The following ANKFN1 variants were observed in gnomAD, a reference collection of about 807,000 sequenced individuals.
ANKFN1 encodes the protein ankyrin repeat and fibronectin type III domain containing 1.
In ANKFN1, 74 loss-of-function variants were observed where a neutral mutation model predicts 108.7. The observed-to-expected ratio is 0.68, with a 90% CI of 0.56 to 0.83. ANKFN1 has a LOEUF of 0.83. Ranked by LOEUF, ANKFN1 falls within the 40% of genes least tolerant of loss-of-function variation. ANKFN1 has a pLI of 0.00. For missense variants in ANKFN1, 1,505 were observed against 1,382.3 expected, an observed-to-expected ratio of 1.09 and a Z score of -1.41; for synonymous variants, 547 against 516.2, an observed-to-expected ratio of 1.06 and a Z score of -0.81.
intron 3 of ANKFN1, among the ~76,000 whole-genome samples, chr17:56,270,215 T>G (rs1394704103): frequency 1.3e-5 from 2 of 152,152 alleles, no homozygotes; most frequent in Admixed American, 6.5e-5. Flanking sequence ...ACATTTTTGG[T>G]TAGCAGAGTC....
chr17:56,325,690 C>T (rs760249468), intron 3 of ANKFN1, among the ~76,000 whole-genome samples: 23 of 152,264 alleles, frequency 1.5e-4, no homozygotes, highest in African/African-American at 7.2e-5. Flanking sequence ...TAAGGAATTG[C>T]GCAGGTGCCC....
chr17:56,062,526 C>CT (rs1466858148), intron 4 of ANKFN1, among the ~76,000 whole-genome samples: 1 of 145,170 alleles, frequency 6.9e-6, no homozygotes, highest in African/African-American at 2.6e-5. Context: ...GGTTCAAAGT[C>CT]TTTTTTGTCA....
chr17:56,307,927 A>G (rs1157523637), intron 3 of ANKFN1, among the ~76,000 whole-genome samples: 3 of 152,232 alleles, frequency 2.0e-5, no homozygotes, highest in Admixed American at 1.3e-4. Flanking sequence ...TGTCCTTTAT[A>G]GGGACATGGA....
intron 4 of ANKFN1, among the ~76,000 whole-genome samples, chr17:56,125,749 C>T (rs1906887433): frequency 6.6e-6 from 1 of 152,232 alleles, no homozygotes; most frequent in Non-Finnish European, 1.5e-5. Context: ...CCACAGCACA[C>T]ACTTTGAATA....
chr17:56,346,806 T>G (rs2046115845), intron 4 of ANKFN1, among the ~76,000 whole-genome samples: 1 of 151,924 alleles, frequency 6.6e-6, no homozygotes, highest in South Asian at 2.1e-4. Context: ...TTTTAGGAAT[T>G]CTGCTTGGAG....
chr17:56,209,576 CAG>C (rs1914811145), intron 1 of ANKFN1, among the ~76,000 whole-genome samples: 1 of 152,174 alleles, frequency 6.6e-6, no homozygotes, highest in Non-Finnish European at 1.5e-5. Context: ...TTATCTGAAA[CAG>C]AGTCTCCTAA....
intron 20 of ANKFN1, among the ~76,000 whole-genome samples, chr17:56,508,708 C>T: frequency 6.6e-6 from 1 of 152,174 alleles, no homozygotes; most frequent in East Asian, 1.9e-4. Context: ...AATATAATCC[C>T]TCTTTCCTAT....
intron 1 of ANKFN1, among the ~76,000 whole-genome samples, chr17:56,183,052 A>G (rs1911842236): frequency 6.6e-6 from 1 of 152,220 alleles, no homozygotes; most frequent in Non-Finnish European, 1.5e-5. Context: ...TTAAAATATT[A>G]CTGCTTATTG....
At chr17:56,388,541 A>C (rs1001347965) in intron 8 of ANKFN1, among the ~76,000 whole-genome samples, 3 of 152,192 alleles carry the variant, frequency 2.0e-5, no homozygotes, top group Admixed American at 6.5e-5. Context: ...CAACATAGCT[A>C]TATTTCTATT....
intron 4 of ANKFN1, among the ~76,000 whole-genome samples, chr17:56,130,160 T>G (rs1343389463): frequency 1.3e-5 from 2 of 152,240 alleles, no homozygotes; most frequent in Non-Finnish European, 2.9e-5. Context: ...TTGTTAAACC[T>G]CTCCCAGGCC....
intron 1 of ANKFN1, among the ~76,000 whole-genome samples, chr17:56,163,681 G>A (rs1909891166): frequency 1.3e-5 from 2 of 152,232 alleles, no homozygotes; most frequent in Non-Finnish European, 2.9e-5. Context: ...TTTGTAGGGG[G>A]AAGAGTAGCA....
chr17:56,512,953 C>A lies in ANKFN1; in HGVS notation c.*1684C>A, dbSNP rs2051817051. On this transcript the variant is annotated 3_prime_UTR_variant, in exon 21 of 21. Coordinates refer to ENST00000682825, the MANE Select transcript of ANKFN1 (RefSeq NM_001370326.1). The stretch of plus-strand genomic sequence containing the variant: ...AATCACTACAGCTCCTTTTTCATGA[C>A]TGGGAGGATTTTAAAATGCAATTTT... Among the ~76,000 whole-genome samples, 1 of 152,086 alleles carries A rather than the reference C, an allele frequency of 6.6e-6. No individual in the cohort carries two copies. The highest frequency in any genetic ancestry group is 2.4e-5 in the African/African-American group (1 of 41,416).
upstream of ANKFN1, among the ~76,000 whole-genome samples, chr17:56,152,303 T>TGTGTGTGTGTG (rs1908704082): frequency 4.0e-5 from 6 of 150,778 alleles, no homozygotes; most frequent in Admixed American, 6.6e-5. Flanking sequence ...TGTGTGTGTG[T>TGTGTGTGTGTG]TTAATTTTTC....
chr17:56,467,035 T>G (rs2050097483), intron 15 of ANKFN1, among the ~76,000 whole-genome samples: 2 of 152,068 alleles, frequency 1.3e-5, no homozygotes, highest in South Asian at 4.1e-4. Context: ...GGAGAATCGC[T>G]GGAACCTGGG....
intron 8 of ANKFN1, among the ~76,000 whole-genome samples, chr17:56,402,106 T>C (rs1235809264): frequency 1.3e-5 from 2 of 152,176 alleles, no homozygotes; most frequent in Non-Finnish European, 2.9e-5. Flanking sequence ...AGTATTTTGT[T>C]AAGGATTTTA....
rs867845478 is a variant in ANKFN1, at chr17:56,424,728, T to G, written c.911-15599T>G. On this transcript the variant is annotated intron_variant, in intron 8 of 20. Coordinates refer to ENST00000682825, the MANE Select transcript of ANKFN1 (RefSeq NM_001370326.1). ...TCCCTAATAAGGCTGATCTACTTTA[T>G]TCTCTGCAAAGGGGAAACTTTTCTT... 3.3e-5 allele frequency among the ~76,000 whole-genome samples: 5 copies of G among 152,324 alleles called. 1 individual carries two copies. In the South Asian group the frequency reaches 6.2e-4, roughly 19 times the overall value.
At chr17:56,313,579 G>T (rs929747071) in intron 3 of ANKFN1, among the ~76,000 whole-genome samples, 1 of 152,154 alleles carries the variant, frequency 6.6e-6, no homozygotes, top group Admixed American at 6.5e-5. Flanking sequence ...TGCAGCCTGG[G>T]TTCACATCCT....
chr17:56,332,242 G>A lies in ANKFN1; in HGVS notation c.188+5887G>A, dbSNP rs77253758. On this transcript the variant is annotated intron_variant, in intron 4 of 20. Coordinates refer to ENST00000682825, the MANE Select transcript of ANKFN1 (RefSeq NM_001370326.1). ...GTAGTTTAGGAGACAGGATGATGGC[G>A]GCAATCGAGGCTCTCTGCTTATGTA... 2.6e-3 allele frequency among the ~76,000 whole-genome samples: 403 copies of A among 152,184 alleles called. 3 individuals carry two copies. The highest frequency in any genetic ancestry group is 8.7e-3 in the African/African-American group (362 of 41,514).
chr17:56,210,100 A>AGAT (rs1555610784), intron 1 of ANKFN1, among the ~76,000 whole-genome samples: 1 of 152,128 alleles, frequency 6.6e-6, no homozygotes, highest in Admixed American at 6.5e-5. Flanking sequence ...ATAGATAGAT[A>AGAT]GATAGATAAT....
Sources: gnomAD v4.1 joint callset for allele counts (sites outside exome capture counted in the v4.1 genomes callset) on GRCh38, gnomAD v4.1.1 for gene constraint, MANE v1.5 for transcripts, NCBI Gene and HGNC (gene_info 2026-07-23, HGNC 2026-07-21) for gene names.